THSD4: variants seen among roughly 807,000 people sequenced by gnomAD.
THSD4 encodes the protein thrombospondin type 1 domain containing 4.
In THSD4, 69 loss-of-function variants were observed where a neutral mutation model predicts 119.0. The observed-to-expected ratio is 0.58, with a 90% CI of 0.48 to 0.71. THSD4 has a LOEUF of 0.71. THSD4 is among the 30% of genes least tolerant of loss of function. The pLI, the probability that THSD4 is intolerant of heterozygous loss-of-function variation, is 0.00. For synonymous variants in THSD4, 524 were observed against 540.4 expected, an observed-to-expected ratio of 0.97 and a Z score of 0.42; for missense variants, 1,393 against 1,391.1, an observed-to-expected ratio of 1.00 and a Z score of -0.02.
At chr15:71,701,853 C>T (rs1284096899) in intron 8 of THSD4, among the ~76,000 whole-genome samples, 1 of 152,092 alleles carries the variant, frequency 6.6e-6, no homozygotes, top group East Asian at 1.9e-4. Context: ...GTGAGACCTT[C>T]CACTTCTTTT....
chr15:71,524,611 T>TTTTG (rs1488927416), intron 7 of THSD4, among the ~76,000 whole-genome samples: 1 of 129,484 alleles, frequency 7.7e-6, no homozygotes, highest in Admixed American at 7.5e-5. Flanking sequence ...TTTTTTTTTT[T>TTTTG]TTTTGAGACG....
chr15:71,327,860 A>G (rs2045366489), intron 6 of THSD4, among the ~76,000 whole-genome samples: 2 of 152,200 alleles, frequency 1.3e-5, no homozygotes. Context: ...TGTGTTAACA[A>G]TGTAGGGCCT....
At chr15:71,329,585 C>A (rs1306261920) in intron 6 of THSD4, among the ~76,000 whole-genome samples, 1 of 152,164 alleles carries the variant, frequency 6.6e-6, no homozygotes, top group Non-Finnish European at 1.5e-5. Context: ...GATGTTGTCC[C>A]CTGTGAGATG....
At chr15:71,383,836 T>G (rs2046258553) in intron 6 of THSD4, among the ~76,000 whole-genome samples, 1 of 152,172 alleles carries the variant, frequency 6.6e-6, no homozygotes, top group Non-Finnish European at 1.5e-5. Context: ...TTATAAGTAA[T>G]GTAGAAATGA....
At chr15:71,442,513 G>A (rs866337157) in intron 7 of THSD4, among the ~76,000 whole-genome samples, 5 of 138,290 alleles carry the variant, frequency 3.6e-5, no homozygotes, top group South Asian at 4.9e-4. Context: ...AGGTTGCAGC[G>A]AGCCGAGACC....
chr15:71,469,164 T>G (rs537123985), intron 7 of THSD4, among the ~76,000 whole-genome samples: 13 of 152,292 alleles, frequency 8.5e-5, no homozygotes, highest in East Asian at 5.8e-4. Flanking sequence ...TGTTTGGGTG[T>G]TCTTCTCAAA....
At chr15:71,574,955 T>A (rs1468601884) in intron 7 of THSD4, among the ~76,000 whole-genome samples, 3 of 152,182 alleles carry the variant, frequency 2.0e-5, no homozygotes, top group Non-Finnish European at 4.4e-5. Flanking sequence ...ACCACAGCAT[T>A]ATAGTCTTCT....
chr15:71,111,661 C>T (rs1003268283), upstream of THSD4: 24 of 564,954 alleles, frequency 4.2e-5, no homozygotes, highest in Non-Finnish European at 6.6e-5. Context: ...TTACAAGCAT[C>T]GTGATGGATC....
At position 71,327,845 on chromosome 15, in the gene THSD4, A is replaced by G. The variant is rs183044914; in HGVS notation, c.1015+71130A>G. On this transcript the variant is annotated intron_variant, in intron 6 of 17. Transcript: ENST00000261862. The stretch of plus-strand genomic sequence containing the variant: ...TATATATAGTGACCTGCTTGCAAAA[A>G]TAAATGTGTTAACAATGTAGGGCCT... Among the ~76,000 whole-genome samples, 127 of 152,328 alleles carry G rather than the reference A, an allele frequency of 8.3e-4. 1 individual carries two copies. Among genetic ancestry groups the G allele is most frequent in the Admixed American group, 4.6e-3 (71 of 15,304 alleles).
At chr15:71,253,179 T>C (rs1280991309) in intron 5 of THSD4, among the ~76,000 whole-genome samples, 1 of 152,224 alleles carries the variant, frequency 6.6e-6, no homozygotes, top group Non-Finnish European at 1.5e-5. Context: ...TGTTAAGCTT[T>C]TCTGCCTTAG....
At chr15:71,152,311 A>C (rs1257602335) in intron 2 of THSD4, among the ~76,000 whole-genome samples, 1 of 151,908 alleles carries the variant, frequency 6.6e-6, no homozygotes, top group Non-Finnish European at 1.5e-5. Context: ...AATTCCAGCT[A>C]CTGGGGAGGC....
chr15:71,366,493 TTGAGAGTTCTTC>T (rs1238035409), intron 6 of THSD4, among the ~76,000 whole-genome samples: 2 of 152,184 alleles, frequency 1.3e-5, no homozygotes, highest in Admixed American at 1.3e-4. Context: ...ATGGGCTCTT[TTGAGAGTTCTTC>T]TGAGGCTCCT....
chr15:71,406,694 G>GTGTA (rs2046613963), intron 6 of THSD4, among the ~76,000 whole-genome samples: 1 of 121,538 alleles, frequency 8.2e-6, no homozygotes, highest in Non-Finnish European at 1.8e-5. Flanking sequence ...GTGTGTGTGT[G>GTGTA]TTTGAAATGG....
chr15:71,142,009 G>A (rs1271310090), intron 2 of THSD4, among the ~76,000 whole-genome samples: 1 of 152,036 alleles, frequency 6.6e-6, no homozygotes. Context: ...AGGCTGAGGC[G>A]GGAGAATCAC....
chr15:71,318,135 C>T (rs534572938), intron 6 of THSD4, among the ~76,000 whole-genome samples: 14 of 152,166 alleles, frequency 9.2e-5, no homozygotes, highest in East Asian at 1.9e-4. Context: ...CTGCTTGGTC[C>T]GCCTTTGAGG....
At chr15:71,161,254 T>G (rs2141390240) in intron 3 of THSD4, among the ~76,000 whole-genome samples, 2 of 152,228 alleles carry the variant, frequency 1.3e-5, no homozygotes, top group Middle Eastern at 3.4e-3. Context: ...TGTAATTATT[T>G]GTTAGGTCCA....
At chr15:71,697,977 C>T (rs2141064812) in intron 8 of THSD4, among the ~76,000 whole-genome samples, 1 of 151,934 alleles carries the variant, frequency 6.6e-6, no homozygotes, top group East Asian at 1.9e-4. Flanking sequence ...CCCACTTCAG[C>T]ACGTGAATGA....
intron 7 of THSD4, among the ~76,000 whole-genome samples, chr15:71,524,757 C>T (rs984207030): frequency 6.4e-5 from 8 of 125,236 alleles, no homozygotes; most frequent in Admixed American, 2.7e-4. Flanking sequence ...CCACCACGCC[C>T]GGCTAATTTT....
chr15:71,490,980 C>T (rs140578193), intron 7 of THSD4, among the ~76,000 whole-genome samples: 1 of 152,304 alleles, frequency 6.6e-6, no homozygotes, highest in Non-Finnish European at 1.5e-5. Context: ...GGTTTCCAAA[C>T]TCTGTTGTAC....
Sources: allele counts gnomAD v4.1 joint callset (sites outside exome capture counted in the v4.1 genomes callset), GRCh38; gene constraint gnomAD v4.1.1; transcripts MANE v1.5; gene names NCBI Gene and HGNC (gene_info 2026-07-23, HGNC 2026-07-21).